Variants in SHOC1 observed in about 807,000 individuals in gnomAD.
The protein encoded by SHOC1 is protein shortage in chiasmata 1 ortholog.
SHOC1 carries 136 observed loss-of-function variants against 179.2 expected under a neutral mutation model. That is an observed-to-expected ratio of 0.76 (90% CI 0.66 to 0.87). The LOEUF (loss-of-function observed/expected upper bound fraction) is 0.87. Ranked by LOEUF, SHOC1 falls within the 40% of genes least tolerant of loss-of-function variation. The pLI, the probability that SHOC1 is intolerant of heterozygous loss-of-function variation, is 0.00. For missense variants in SHOC1, 1,538 were observed against 1,700.8 expected (o/e 0.90, Z 1.68); for synonymous variants, 489 against 586.6 (o/e 0.83, Z 2.41).
At chr9:111,766,012 T>C (rs1485969389) in intron 5 of SHOC1, among the ~76,000 whole-genome samples, 1 of 152,158 alleles carries the variant, frequency 6.6e-6, no homozygotes, top group Admixed American at 6.5e-5. Flanking sequence ...TACAGTTCAG[T>C]GGTAATAAAT....
intron 5 of SHOC1, among the ~76,000 whole-genome samples, chr9:111,766,138 T>TTC (rs1340448377): frequency 6.6e-6 from 1 of 152,172 alleles, no homozygotes; most frequent in Non-Finnish European, 1.5e-5. Flanking sequence ...CCCACATGAG[T>TTC]GAGAACATAC....
chr9:111,700,316 C>T (rs914949403), intron 23 of SHOC1, among the ~76,000 whole-genome samples: 2 of 149,420 alleles, frequency 1.3e-5, no homozygotes, highest in Admixed American at 6.8e-5. Context: ...CCATCCCTTT[C>T]CTGACTCCAG....
intron 13 of SHOC1, among the ~76,000 whole-genome samples, chr9:111,724,783 C>G (rs2131423993): frequency 6.6e-6 from 1 of 152,284 alleles, no homozygotes. Flanking sequence ...GTGAAGACTT[C>G]TTTACTGGTA....
intron 8 of SHOC1, among the ~76,000 whole-genome samples, chr9:111,755,134 T>C (rs1316477639): frequency 6.6e-6 from 1 of 152,146 alleles, no homozygotes; most frequent in Non-Finnish European, 1.5e-5. Context: ...AGCAGCCGAG[T>C]CAAGTGAAGG....
intron 8 of SHOC1, among the ~76,000 whole-genome samples, chr9:111,753,015 C>A (rs1443287751): frequency 6.6e-6 from 1 of 152,012 alleles, no homozygotes; most frequent in Non-Finnish European, 1.5e-5. Flanking sequence ...GAGTTCAAGA[C>A]CAGCCTGAGC....
At chr9:111,731,113 T>C (rs1247097523) in intron 12 of SHOC1, among the ~76,000 whole-genome samples, 2 of 152,194 alleles carry the variant, frequency 1.3e-5, no homozygotes, top group African/African-American at 4.8e-5. Context: ...AGCCTTGCAT[T>C]GTACTGGGCT....
At chr9:111,714,107 T>C (rs369964153) in intron 17 of SHOC1, among the ~76,000 whole-genome samples, 28 of 152,264 alleles carry the variant, frequency 1.8e-4, no homozygotes, top group African/African-American at 6.3e-4. Context: ...CTCACCCTCC[T>C]GGGCTCAAGA....
intron 2 of SHOC1, among the ~76,000 whole-genome samples, chr9:111,788,047 G>A (rs977204706): frequency 3.8e-4 from 57 of 149,524 alleles, no homozygotes; most frequent in African/African-American, 1.3e-3. Flanking sequence ...ATGGACTATA[G>A]TATAGCATAA....
At chr9:111,705,164 T>TACACAC (rs1452730011) in intron 21 of SHOC1, 83 bp downstream of exon 21, 84 of 81,384 alleles carry the variant, frequency 1.0e-3, no homozygotes, top group Non-Finnish European at 1.5e-3. Context: ...CCTATCAGAA[T>TACACAC]ATATATACAC....
chr9:111,766,684 T>C (rs1382916869), intron 5 of SHOC1, among the ~76,000 whole-genome samples: 1 of 152,172 alleles, frequency 6.6e-6, no homozygotes, highest in Non-Finnish European at 1.5e-5. Context: ...CAATCTTGGC[T>C]CACTGCAACT....
intron 16 of SHOC1, among the ~76,000 whole-genome samples, chr9:111,715,392 G>T (rs1186845195): frequency 6.6e-6 from 1 of 152,108 alleles, no homozygotes; most frequent in African/African-American, 2.4e-5. Flanking sequence ...ATGTATGTGT[G>T]CATATTAATT....
At chr9:111,762,218 C>T (rs1032463614) in intron 5 of SHOC1, among the ~76,000 whole-genome samples, 4 of 152,028 alleles carry the variant, frequency 2.6e-5, no homozygotes, top group Non-Finnish European at 5.9e-5. Flanking sequence ...TTGCTTGAGC[C>T]TAGAAGTTTG....
intron 5 of SHOC1, among the ~76,000 whole-genome samples, chr9:111,771,419 C>T (rs1018795153): frequency 1.3e-5 from 2 of 152,096 alleles, no homozygotes; most frequent in African/African-American, 2.4e-5. Flanking sequence ...TGAGTGCTTA[C>T]ACACCACAAT....
At chr9:111,741,664 C>T (rs12335876) in intron 10 of SHOC1, 94 bp from the exon 11 acceptor site, 16,933 of 592,702 alleles carry the variant, frequency 0.029, 839 homozygotes, top group African/African-American at 0.16. Context: ...GGCAGAGTCT[C>T]GCTCTGTCGC....
At chr9:111,735,113 G>A (rs1333184678) in intron 12 of SHOC1, among the ~76,000 whole-genome samples, 1 of 152,066 alleles carries the variant, frequency 6.6e-6, no homozygotes, top group Non-Finnish European at 1.5e-5. Flanking sequence ...GCCTCCAGCT[G>A]CATCCATGTC....
rs368091767 is a variant in SHOC1, at chr9:111,692,140, C to T, written c.3837G>A (p.Pro1279=). The change falls in exon 27 of 28, where the codon CCG becomes CCA. Residue 1279 remains proline, a synonymous_variant. Transcript: ENST00000682961. ...PFLINIESRR[P]AYNSFLNHSD... is the part of the protein sequence containing the mutation. ...TGTGGTTTAGAAAGGAGTTATAAGC[C>T]GGTCTCCTTGATTCTATATTAATTA... is the stretch of plus-strand genomic sequence containing the variant. 8 of 1,613,550 alleles carry T rather than the reference C, an allele frequency of 5.0e-6. No individual in the cohort carries two copies. Among genetic ancestry groups the T allele is most frequent in the African/African-American group, 4.0e-5 (3 of 74,874 alleles).
chr9:111,718,145 A>G (rs1306086205), intron 16 of SHOC1, 39 bp downstream of exon 16: 1 of 1,380,866 alleles, frequency 7.2e-7, no homozygotes, highest in Admixed American at 2.3e-5. Flanking sequence ...TGAAATATTT[A>G]ATAGGAAGAA....
Position 111,758,082 on chromosome 9 carries a change from A to G in SHOC1, c.708+2T>C, listed in dbSNP as rs190709977. On this transcript the variant is annotated splice_donor_variant, in intron 7 of 27. Coordinates refer to ENST00000682961, the MANE Select transcript of SHOC1 (RefSeq NM_001378211.1). LOFTEE classifies it high-confidence loss of function. ...AATATTATTGAAAGCCAGTATTACA[A>G]CCTCATTTAAACATATTGTATCTTC... 1.4e-6 allele frequency: 2 copies of G among 1,434,704 alleles called. No homozygotes were observed. The highest frequency in any genetic ancestry group is 2.9e-5 in the African/African-American group (2 of 70,018). The allele number at this position is 1,434,704 out of a possible 1,614,324, so 88.9% of individuals were successfully genotyped here. A position where few individuals can be genotyped will look rare whatever the true frequency, so the allele number is the denominator to read the frequency against.
chr9:111,715,229 C>T (rs1381651556), intron 16 of SHOC1, among the ~76,000 whole-genome samples: 1 of 152,126 alleles, frequency 6.6e-6, no homozygotes, highest in Non-Finnish European at 1.5e-5. Flanking sequence ...CCGTGTGATT[C>T]TGCTGAATTT....
Sources: gnomAD v4.1 joint callset for allele counts (sites outside exome capture counted in the v4.1 genomes callset) on GRCh38, gnomAD v4.1.1 for gene constraint, MANE v1.5 for transcripts, NCBI Gene and HGNC (gene_info 2026-07-23, HGNC 2026-07-21) for gene names.